HIPK3: variants seen among roughly 807,000 people sequenced by gnomAD.
HIPK3 encodes the protein homeodomain-interacting protein kinase 3.
HIPK3 carries 47 observed loss-of-function variants against 124.2 expected under a neutral mutation model. The ratio of observed to expected loss-of-function variants is 0.38; its 90% CI spans 0.30 to 0.48. HIPK3 has a LOEUF of 0.48. HIPK3 is among the 20% of genes least tolerant of loss of function. HIPK3 has a pLI of 0.98. For missense variants in HIPK3, 1,286 were observed against 1,454.3 expected (o/e 0.88, Z 1.88); for synonymous variants, 482 against 515.2 (o/e 0.94, Z 0.87).
At chr11:33,270,879 TATG>T (rs796896991) in intron 1 of HIPK3, among the ~76,000 whole-genome samples, 51 of 152,322 alleles carry the variant, frequency 3.3e-4, no homozygotes, top group African/African-American at 1.2e-3. Context: ...ATTTTAAGCA[TATG>T]ATAAAACATT....
intron 13 of HIPK3, 115 bp downstream of exon 13, chr11:33,348,933 T>A: frequency 9.7e-7 from 1 of 1,031,266 alleles, no homozygotes; most frequent in Non-Finnish European, 1.4e-6. Flanking sequence ...GTAAAACCTT[T>A]AAATTAGATA....
intron 1 of HIPK3, among the ~76,000 whole-genome samples, chr11:33,262,255 A>G (rs945240520): frequency 2.0e-5 from 3 of 152,334 alleles, no homozygotes; most frequent in African/African-American, 7.2e-5. Context: ...TGGAGGAAGA[A>G]CAACTTAATA....
chr11:33,302,339 C>CTTTTTTTTTTTTTTTTTTTT (rs374964013), intron 2 of HIPK3, among the ~76,000 whole-genome samples: 4 of 121,138 alleles, frequency 3.3e-5, no homozygotes, highest in African/African-American at 8.9e-5. Context: ...TAATTCCTTA[C>CTTTTTTTTTTTTTTTTTTTT]TTCTTTTTTT....
chr11:33,328,243 T>G (rs1278719292), intron 2 of HIPK3, among the ~76,000 whole-genome samples: 1 of 152,184 alleles, frequency 6.6e-6, no homozygotes, highest in Non-Finnish European at 1.5e-5. Flanking sequence ...ATGTTTTTCC[T>G]TTTTCAAAAA....
chr11:33,347,531 G>T, intron 9 of HIPK3, 98 bp from the exon 10 acceptor site: 1 of 1,567,290 alleles, frequency 6.4e-7, no homozygotes, highest in Non-Finnish European at 8.7e-7. Context: ...GTTTATAATT[G>T]TTAGCTGTTA....
At chr11:33,289,872 G>T (rs904372524) in intron 2 of HIPK3, among the ~76,000 whole-genome samples, 1 of 152,110 alleles carries the variant, frequency 6.6e-6, no homozygotes, top group African/African-American at 2.4e-5. Flanking sequence ...GAGTTCAATT[G>T]TTTTAATTTT....
upstream of HIPK3, chr11:33,257,223 G>A (rs529985285): frequency 1.0e-6 from 1 of 984,218 alleles, no homozygotes; most frequent in East Asian, 1.1e-4. Flanking sequence ...GCGGACTGGC[G>A]GGCGGACCCC....
At chr11:33,270,046 TGGC>T (rs1467407810) in intron 1 of HIPK3, among the ~76,000 whole-genome samples, 1 of 152,178 alleles carries the variant, frequency 6.6e-6, no homozygotes, top group Non-Finnish European at 1.5e-5. Flanking sequence ...GGCGTGACCT[TGGC>T]TCACTGCAAC....
intron 4 of HIPK3, among the ~76,000 whole-genome samples, chr11:33,338,479 G>A (rs112000430): frequency 1.9e-3 from 286 of 152,282 alleles, no homozygotes; most frequent in Non-Finnish European, 3.7e-3. Context: ...TGATCCACCC[G>A]CCTTGGCCTC....
At chr11:33,301,855 C>T (rs1349758756) in intron 2 of HIPK3, among the ~76,000 whole-genome samples, 1 of 151,386 alleles carries the variant, frequency 6.6e-6, no homozygotes, top group Non-Finnish European at 1.5e-5. Flanking sequence ...CACACACACA[C>T]GAGTACAGTA....
intron 3 of HIPK3, among the ~76,000 whole-genome samples, chr11:33,334,535 G>C (rs1853080980): frequency 6.6e-6 from 1 of 152,078 alleles, no homozygotes; most frequent in African/African-American, 2.4e-5. Context: ...GTCTGGAATT[G>C]ATCCTCTAGG....
intron 8 of HIPK3, among the ~76,000 whole-genome samples, chr11:33,345,878 T>G (rs560405517): frequency 5.9e-5 from 9 of 152,260 alleles, no homozygotes; most frequent in Non-Finnish European, 1.0e-4. Context: ...GGATTAACAC[T>G]TACATCTGTG....
rs548584414 is a variant in HIPK3, at chr11:33,292,327, G to T, written c.1097+4816G>T. Among the ~76,000 whole-genome samples the T allele has an allele frequency of 2.2e-4, 33 of 152,240 alleles. No homozygotes were observed. The South Asian group carries it at 6.4e-3, about 30-fold the overall frequency. ...CAGTGCTAGGTGCTAAGAATACAAA[G>T]GTGATTTATGTATGTTCATTAATTT... On this transcript the variant is annotated intron_variant, in intron 2 of 16. Transcript: ENST00000303296.
chr11:33,331,506 G>A (rs1010103019), intron 3 of HIPK3, among the ~76,000 whole-genome samples: 1 of 152,140 alleles, frequency 6.6e-6, no homozygotes, highest in African/African-American at 2.4e-5. Context: ...GTGCCCAGTA[G>A]CTGGGGATAC....
intron 3 of HIPK3, among the ~76,000 whole-genome samples, chr11:33,331,048 T>C (rs1481754981): frequency 6.6e-6 from 1 of 151,996 alleles, no homozygotes; most frequent in African/African-American, 2.4e-5. Flanking sequence ...CATGCCTGGC[T>C]AATTTTTTAT....
chr11:33,318,983 A>G (rs61887948), intron 2 of HIPK3, among the ~76,000 whole-genome samples: 11,559 of 152,302 alleles, frequency 0.076, 595 homozygotes, highest in East Asian at 0.12. Flanking sequence ...TTTAAATTCC[A>G]GTCCCACCAC....
intron 1 of HIPK3, among the ~76,000 whole-genome samples, chr11:33,282,332 C>G (rs777621082): frequency 6.6e-6 from 1 of 151,834 alleles, no homozygotes; most frequent in East Asian, 1.9e-4. Flanking sequence ...CTGCAGCAAG[C>G]CATGTTTGTG....
At chr11:33,289,685 T>C (rs1851647894) in intron 2 of HIPK3, among the ~76,000 whole-genome samples, 1 of 152,202 alleles carries the variant, frequency 6.6e-6, no homozygotes, top group Non-Finnish European at 1.5e-5. Flanking sequence ...TAGACTCCTT[T>C]ACTTATTGTT....
Position 33,257,452 on chromosome 11 carries a change from T to C in HIPK3, c.-440T>C. Reference sequence around the variant, plus strand: ...GGAGATCAAGCCGCAGGCCCCGCCGTCGCCACCACTCCCGCCAGTCTTCCT... The same window carrying C: ...GGAGATCAAGCCGCAGGCCCCGCCGCCGCCACCACTCCCGCCAGTCTTCCT... On this transcript the variant is annotated 5_prime_UTR_variant, in exon 1 of 17. Coordinates refer to ENST00000303296, the MANE Select transcript of HIPK3 (RefSeq NM_005734.5). 1.0e-6 allele frequency: 1 copy of C among 985,566 alleles called. No homozygotes were observed. The highest frequency in any genetic ancestry group is 1.2e-6 in the Non-Finnish European group (1 of 830,180). The allele number at this position is 985,566 out of a possible 1,614,324, so 61.1% of individuals were successfully genotyped here. A position where few individuals can be genotyped will look rare whatever the true frequency, so the allele number is the denominator to read the frequency against.
Sources: allele counts gnomAD v4.1 joint callset (sites outside exome capture counted in the v4.1 genomes callset), GRCh38; gene constraint gnomAD v4.1.1; transcripts MANE v1.5; gene names NCBI Gene and HGNC (gene_info 2026-07-23, HGNC 2026-07-21).